YAP1: variants seen among roughly 807,000 people sequenced by gnomAD.
YAP1 encodes transcriptional coactivator YAP1.
In YAP1, 5 loss-of-function variants were observed where a neutral mutation model predicts 56.9. The observed-to-expected ratio is 0.09, with a 90% CI of 0.05 to 0.18. The LOEUF (loss-of-function observed/expected upper bound fraction) is 0.18, where lower values mean the gene tolerates loss of function less well. YAP1 is among the 10% of genes least tolerant of loss of function. The pLI, the probability that YAP1 is intolerant of heterozygous loss-of-function variation, is 1.00. For missense variants in YAP1, 539 were observed against 651.8 expected, an observed-to-expected ratio of 0.83 and a Z score of 1.88; for synonymous variants, 265 against 248.1, an observed-to-expected ratio of 1.07 and a Z score of -0.64.
chr11:102,177,637 A>G (rs1004197798), intron 3 of YAP1, among the ~76,000 whole-genome samples: 2 of 148,940 alleles, frequency 1.3e-5, no homozygotes, highest in Admixed American at 6.8e-5. Context: ...AGATTGCGCC[A>G]TGGCACTCTA....
chr11:102,230,093 C>G lies in YAP1; in HGVS notation c.*153C>G. ...ACTTTAATCCTCTATTTTGCTCTTC[C>G]TTGTCCATTGCTGCTGTTAATGTAT... On this transcript the variant is annotated 3_prime_UTR_variant, in exon 9 of 9. Transcript: ENST00000282441. The G allele has an allele frequency of 1.5e-6, 1 of 661,808 alleles. No homozygotes were observed. The highest frequency in any genetic ancestry group is 2.6e-6 in the Non-Finnish European group (1 of 383,888). The allele number at this position is 661,808 out of a possible 1,614,324, so 41.0% of individuals were successfully genotyped here. A position where few individuals can be genotyped will look rare whatever the true frequency, so the allele number is the denominator to read the frequency against.
intron 3 of YAP1, among the ~76,000 whole-genome samples, chr11:102,172,618 AT>A (rs1052054450): frequency 3.3e-5 from 5 of 151,706 alleles, no homozygotes; most frequent in African/African-American, 1.2e-4. Flanking sequence ...AGGTTCATTG[AT>A]TTCTTTATCC....
intron 5 of YAP1, among the ~76,000 whole-genome samples, chr11:102,206,698 C>A (rs916933221): frequency 2.0e-5 from 3 of 152,140 alleles, no homozygotes; most frequent in African/African-American, 7.2e-5. Flanking sequence ...AAAAAATTAG[C>A]CAAGCGTGGT....
Position 102,156,696 on chromosome 11 carries a change from C to T in YAP1, c.573-5760C>T, listed in dbSNP as rs1480219875. Among the ~76,000 whole-genome samples the T allele has an allele frequency of 2.6e-5, 4 of 152,174 alleles. No individual in the cohort carries two copies. In the South Asian group the frequency reaches 6.2e-4, roughly 24 times the overall value. On this transcript the variant is annotated intron_variant, in intron 2 of 8. Transcript: ENST00000282441. ...CTTTTGGGAGGAATATTCTCAGTCA[C>T]TATGGCATTAGGAAAAGATGTTCAA...
At chr11:102,114,110 T>C (rs756249849) in intron 1 of YAP1, 34 bp from the exon 2 acceptor site, 1 of 1,554,130 alleles carries the variant, frequency 6.4e-7, no homozygotes, top group Admixed American at 1.9e-5. Context: ...GTGTTTTTTC[T>C]TTTTTAATTT....
At chr11:102,117,798 A>G (rs1439803747) in intron 2 of YAP1, among the ~76,000 whole-genome samples, 3 of 152,224 alleles carry the variant, frequency 2.0e-5, no homozygotes, top group African/African-American at 7.2e-5. Context: ...GTTCTACTAC[A>G]TTTACTATTC....
intron 2 of YAP1, among the ~76,000 whole-genome samples, chr11:102,151,132 A>G (rs1945632064): frequency 6.6e-6 from 1 of 152,046 alleles, no homozygotes; most frequent in African/African-American, 2.4e-5. Flanking sequence ...CTGGCTGAAC[A>G]TGGTCTTTAT....
chr11:102,146,525 G>A (rs1255640381), intron 2 of YAP1, among the ~76,000 whole-genome samples: 1 of 152,050 alleles, frequency 6.6e-6, no homozygotes, highest in Non-Finnish European at 1.5e-5. Flanking sequence ...TTACTTTATC[G>A]TTTAAGGCTC....
intron 8 of YAP1, among the ~76,000 whole-genome samples, chr11:102,228,670 G>C (rs1213426845): frequency 1.6e-5 from 2 of 121,598 alleles, no homozygotes; most frequent in African/African-American, 6.0e-5. Context: ...AAGAATAGTT[G>C]CAGGGGTCTT....
Position 102,180,120 on chromosome 11 carries a change from C to T in YAP1, c.689-5898C>T, listed in dbSNP as rs1947502319. Among the ~76,000 whole-genome samples, 5 of 150,630 alleles carry T rather than the reference C, an allele frequency of 3.3e-5. No individual in the cohort carries two copies. In the Admixed American group the frequency reaches 3.3e-4, roughly 10 times the overall value. Reference sequence around the variant, plus strand: ...CAACTCCCGGGTACGAGAGATTCTCCTGCCTCAGCCTCCCAAGTAGCTGGG... The same window carrying T: ...CAACTCCCGGGTACGAGAGATTCTCTTGCCTCAGCCTCCCAAGTAGCTGGG... On this transcript the variant is annotated intron_variant, in intron 3 of 8. Coordinates refer to ENST00000282441, the MANE Select transcript of YAP1 (RefSeq NM_001130145.3).
At chr11:102,149,332 G>A (rs1945495962) in intron 2 of YAP1, among the ~76,000 whole-genome samples, 1 of 152,180 alleles carries the variant, frequency 6.6e-6, no homozygotes, top group Non-Finnish European at 1.5e-5. Context: ...GTTTGTACAG[G>A]GAGATGGAAT....
intron 1 of YAP1, among the ~76,000 whole-genome samples, chr11:102,113,927 C>G (rs753535420): frequency 1.6e-4 from 25 of 151,998 alleles, no homozygotes; most frequent in Admixed American, 1.0e-3. Flanking sequence ...GACTGCTCAT[C>G]AATACAATTA....
intron 6 of YAP1, among the ~76,000 whole-genome samples, chr11:102,213,722 A>G (rs1018349057): frequency 2.0e-5 from 3 of 152,128 alleles, no homozygotes; most frequent in African/African-American, 7.2e-5. Flanking sequence ...CTTTCTTACC[A>G]GTAAAGATTC....
chr11:102,119,613 C>T (rs973745823), intron 2 of YAP1, among the ~76,000 whole-genome samples: 1 of 150,006 alleles, frequency 6.7e-6, no homozygotes, highest in Admixed American at 6.7e-5. Flanking sequence ...ACCCAAACAT[C>T]TAGATAGCAT....
chr11:102,120,839 T>C (rs1943604969), intron 2 of YAP1, among the ~76,000 whole-genome samples: 1 of 152,240 alleles, frequency 6.6e-6, no homozygotes, highest in Middle Eastern at 3.2e-3. Flanking sequence ...CAAAATGGAA[T>C]GTAGTATAGA....
chr11:102,147,060 T>A (rs1945361920), intron 2 of YAP1, among the ~76,000 whole-genome samples: 1 of 152,196 alleles, frequency 6.6e-6, no homozygotes. Flanking sequence ...GTAACTCTGT[T>A]ATCTCTATTT....
intron 3 of YAP1, among the ~76,000 whole-genome samples, chr11:102,183,073 A>T (rs1459583327): frequency 6.6e-6 from 1 of 152,240 alleles, no homozygotes. Context: ...GAGAACAGAT[A>T]TGTAATCAAG....
rs77622352 is a variant in YAP1 at position 102,160,609 on chromosome 11, A to G, written c.573-1847A>G. On this transcript the variant is annotated intron_variant, in intron 2 of 8. Transcript: ENST00000282441. ...TATCATTTTAGAAAAACCGTTTTTT[A>G]CTTTGAGACCAGTAAGATGGAGTGA... 7.2e-3 allele frequency among the ~76,000 whole-genome samples: 1,104 copies of G among 152,286 alleles called. 12 individuals are homozygous for G. Among genetic ancestry groups the G allele is most frequent in the African/African-American group, 0.025 (1,053 of 41,554 alleles).
intron 2 of YAP1, among the ~76,000 whole-genome samples, chr11:102,118,000 A>G (rs575196515): frequency 9.5e-4 from 145 of 152,264 alleles, no homozygotes; most frequent in African/African-American, 3.3e-3. Flanking sequence ...GTATTCTATA[A>G]TATCTCTGGT....
Sources: allele counts gnomAD v4.1 joint callset (sites outside exome capture counted in the v4.1 genomes callset), GRCh38; gene constraint gnomAD v4.1.1; transcripts MANE v1.5; gene names NCBI Gene and HGNC (gene_info 2026-07-23, HGNC 2026-07-21).